Variants in NEIL3 observed in about 807,000 individuals in gnomAD.
The protein encoded by NEIL3 is nei like DNA glycosylase 3, also known as endonuclease 8-like 3.
In NEIL3, 48 loss-of-function variants were observed where a neutral mutation model predicts 57.5. The observed-to-expected ratio is 0.83, with a 90% confidence interval of 0.66 to 1.06. The LOEUF (loss-of-function observed/expected upper bound fraction) is 1.06, where lower values mean the gene tolerates loss of function less well. Among genes scored for constraint, NEIL3 ranks in the 50% least tolerant of loss-of-function variants. The pLI is 0.00. For missense variants in NEIL3, 717 were observed against 739.1 expected (o/e 0.97, Z 0.35); for synonymous variants, 261 against 253.2 (o/e 1.03, Z -0.29).
At chr4:177,354,757 C>T (rs1474382245) in intron 8 of NEIL3, among the ~76,000 whole-genome samples, 1 of 152,186 alleles carries the variant, frequency 6.6e-6, no homozygotes, top group African/African-American at 2.4e-5. Context: ...GCTGGGATTA[C>T]AGGCGTGAGC....
Position 177,322,001 on chromosome 4 carries a change from A to T in NEIL3, c.157-458A>T, listed in dbSNP as rs561190980. The stretch of plus-strand genomic sequence containing the variant: ...TTATTTCATACTAGCTTAAAAGTTC[A>T]TCGGTGAAGTTAAAAATATTTTGTT... On this transcript the variant is annotated intron_variant, in intron 1 of 9. Coordinates refer to ENST00000264596, the MANE Select transcript of NEIL3 (RefSeq NM_018248.3). 2.0e-5 allele frequency among the ~76,000 whole-genome samples: 3 copies of T among 152,338 alleles called. No individual in the cohort carries two copies. In the East Asian group the frequency reaches 5.8e-4, roughly 29 times the overall value.
rs762225312 is a variant in NEIL3 at position 177,322,551 on chromosome 4, C to T, written c.249C>T (p.Leu83=). ...YSGVETLGKE[L]FMYFGPKALR... is the part of the protein sequence containing the mutation. Reference sequence around the variant, plus strand: ...GCGTGGAAACTTTGGGGAAGGAGCTCTTTATGTACTTTGGACCAAAAGCTT... The same window carrying T: ...GCGTGGAAACTTTGGGGAAGGAGCTTTTTATGTACTTTGGACCAAAAGCTT... Residue 83 remains leucine, a synonymous_variant, in exon 2 of 10, where the codon CTC becomes CTT. Coordinates refer to ENST00000264596, the MANE Select transcript of NEIL3 (RefSeq NM_018248.3). 48 of 1,613,756 alleles carry T rather than the reference C, an allele frequency of 3.0e-5. No individual in the cohort carries two copies. The highest frequency in any genetic ancestry group is 3.9e-5 in the Non-Finnish European group (46 of 1,179,838).
intron 2 of NEIL3, among the ~76,000 whole-genome samples, chr4:177,333,642 A>C (rs1428584830): frequency 6.6e-6 from 1 of 152,146 alleles, no homozygotes; most frequent in Non-Finnish European, 1.5e-5. Context: ...TCCTCACTGA[A>C]ATCTTCTATA....
intron 5 of NEIL3, 73 bp from the exon 6 acceptor site, chr4:177,341,403 G>A (rs577259440): frequency 1.2e-4 from 157 of 1,272,730 alleles, no homozygotes; most frequent in Non-Finnish European, 1.6e-4. Flanking sequence ...GGTGACTTTC[G>A]AGAATGTGTC....
At chr4:177,347,676 G>A (rs933193735) in intron 6 of NEIL3, among the ~76,000 whole-genome samples, 1 of 151,654 alleles carries the variant, frequency 6.6e-6, no homozygotes, top group Non-Finnish European at 1.5e-5. Flanking sequence ...AGAAGGTGGT[G>A]GGAAAAAAAG....
intron 6 of NEIL3, among the ~76,000 whole-genome samples, chr4:177,348,561 G>A (rs1017932612): frequency 1.8e-4 from 28 of 152,092 alleles, no homozygotes; most frequent in Non-Finnish European, 3.2e-4. Context: ...CAGGATTACC[G>A]CTGCCTGCAA....
At chr4:177,366,065 G>C (rs933474302), downstream of NEIL3, among the ~76,000 whole-genome samples, 2 of 152,174 alleles carry the variant, frequency 1.3e-5, no homozygotes, top group African/African-American at 4.8e-5. Flanking sequence ...GTGAATGCTA[G>C]AGGGAAATAA....
At chr4:177,356,159 T>C (rs1158773246) in intron 8 of NEIL3, among the ~76,000 whole-genome samples, 2 of 152,216 alleles carry the variant, frequency 1.3e-5, no homozygotes, top group Non-Finnish European at 2.9e-5. Context: ...GTGGCATTTG[T>C]TGTACCTAGA....
chr4:177,346,956 C>T (rs1334507280), intron 6 of NEIL3, among the ~76,000 whole-genome samples: 2 of 149,932 alleles, frequency 1.3e-5, no homozygotes, highest in South Asian at 4.2e-4. Context: ...GAGCCGAGAT[C>T]GCGCCAATGC....
Position 177,358,508 on chromosome 4 carries a change from T to C in NEIL3, c.1461-1995T>C, listed in dbSNP as rs528280326. On this transcript the variant is annotated intron_variant, in intron 8 of 9. Coordinates refer to ENST00000264596, the MANE Select transcript of NEIL3 (RefSeq NM_018248.3). ...TTTTAGTCGAGACGGGGTTTCACCATGTTGGCCAGGCTGGTCTTGAACTCT... is the reference window on the plus strand; with the variant it reads ...TTTTAGTCGAGACGGGGTTTCACCACGTTGGCCAGGCTGGTCTTGAACTCT... Among the ~76,000 whole-genome samples the C allele has an allele frequency of 2.0e-5, 3 of 152,168 alleles. No individual in the cohort carries two copies. The East Asian group carries it at 5.8e-4, about 29-fold the overall frequency.
intron 6 of NEIL3, among the ~76,000 whole-genome samples, chr4:177,341,984 A>C (rs1352164395): frequency 1.3e-5 from 2 of 152,208 alleles, no homozygotes; most frequent in African/African-American, 2.4e-5. Context: ...CTTAGAAATA[A>C]TATTATAAAA....
chr4:177,363,980 A>G (rs935490964), downstream of NEIL3, among the ~76,000 whole-genome samples: 1 of 152,122 alleles, frequency 6.6e-6, no homozygotes, highest in South Asian at 2.1e-4. Context: ...TTCTGGGCTC[A>G]AGAGATCCTC....
At position 177,336,137 on chromosome 4, in the gene NEIL3, G is replaced by C. The variant is rs1316431893; in HGVS notation, c.443G>C (p.Arg148Thr). 1.2e-6 allele frequency: 2 copies of C among 1,613,000 alleles called. No individual in the cohort carries two copies. The highest frequency in any genetic ancestry group is 2.7e-5 in the African/African-American group (2 of 74,914). ...TCAATGGAAAGCCAACAGAGAATAA[G>C]AATGATGAAAGAATTAGATGTATGT... ...RNSMESQQRIRMMKELDVCSP... is the reference protein window; with the variant it reads ...RNSMESQQRITMMKELDVCSP... Residue 148 changes from arginine (R) to threonine (T), a missense_variant, in exon 4 of 10, where the codon AGA becomes ACA. By Grantham distance (71) the Arg-to-Thr change is moderately conservative. Transcript: ENST00000264596.
At chr4:177,326,807 G>A (rs1734787938) in intron 2 of NEIL3, among the ~76,000 whole-genome samples, 1 of 151,808 alleles carries the variant, frequency 6.6e-6, no homozygotes, top group African/African-American at 2.4e-5. Flanking sequence ...TATTGTAAAG[G>A]GTACTTTTTT....
rs770269655 is a variant in NEIL3 at position 177,362,307 on chromosome 4, C to T, written c.1654C>T (p.Pro552Ser). Residue 552 changes from proline to serine, a missense_variant, in exon 10 of 10, where the codon CCA becomes TCA. By Grantham distance (74) the Pro-to-Ser change is moderately conservative (BLOSUM62 -1). Coordinates refer to ENST00000264596, the MANE Select transcript of NEIL3 (RefSeq NM_018248.3). ...GFFEWADLSF[P>S]FCNHGKRSTM... ...CCTGCAGTGGGCAGATTTGTCCTTC[C>T]CATTCTGCAACCATGGCAAGCGTTC... is the stretch of plus-strand genomic sequence containing the variant. 3.7e-6 allele frequency: 6 copies of T among 1,604,160 alleles called. No individual in the cohort carries two copies. The African/African-American group carries it at 8.1e-5, about 22-fold the overall frequency.
Position 177,340,929 on chromosome 4 carries a change from TTTTC to T in NEIL3, c.703-535_703-532del, listed in dbSNP as rs143720063. Among the ~76,000 whole-genome samples the T allele has an allele frequency of 4.0e-3, 607 of 152,250 alleles. 3 individuals carry two copies. Among genetic ancestry groups the T allele is most frequent in the Middle Eastern group, 0.01 (3 of 294 alleles). On this transcript the variant is annotated intron_variant, in intron 5 of 9. Coordinates refer to ENST00000264596, the MANE Select transcript of NEIL3 (RefSeq NM_018248.3). ...TGCTAGGATGGTATTTGAATGTTTA[TTTTC>T]TTTCTTTCTTTTTTTATTAATGAAT...
In NEIL3 at chr4:177,352,268, A is replaced by G. The variant is rs753393811; in HGVS notation, c.1039+719A>G. On this transcript the variant is annotated intron_variant, in intron 7 of 9. Transcript: ENST00000264596. ...TGTTTCCTGGGCCAGAAAGGCAGAC[A>G]TCACCCCTTGCACAGCTTTGCTGTG... Among the ~76,000 whole-genome samples, 186 of 152,306 alleles carry G rather than the reference A, an allele frequency of 1.2e-3. 1 individual carries two copies. Among genetic ancestry groups the G allele is most frequent in the Non-Finnish European group, 2.3e-3 (158 of 68,020 alleles).
At chr4:177,362,255 T>C in intron 9 of NEIL3, 34 bp from the exon 10 acceptor site, 1 of 1,562,666 alleles carries the variant, frequency 6.4e-7, no homozygotes, top group East Asian at 2.3e-5. Context: ...ATAACTTTTG[T>C]ATAAACTTGT....
intron 6 of NEIL3, among the ~76,000 whole-genome samples, chr4:177,350,877 TAAC>T (rs1291483179): frequency 1.3e-5 from 2 of 151,760 alleles, no homozygotes; most frequent in East Asian, 1.9e-4. Context: ...TTTCTCACTT[TAAC>T]AACAATTAGT....
Sources: gnomAD v4.1 joint callset for allele counts (sites outside exome capture counted in the v4.1 genomes callset) on GRCh38, gnomAD v4.1.1 for gene constraint, MANE v1.5 for transcripts, NCBI Gene and HGNC (gene_info 2026-07-23, HGNC 2026-07-21) for gene names.